NSG2: variants seen among roughly 807,000 people sequenced by gnomAD.
NSG2 encodes the protein neuronal vesicle trafficking associated 2, also known as neuronal vesicle trafficking-associated protein 2.
Under a neutral mutation model 16.9 loss-of-function variants are expected in NSG2, and 4 were observed. The observed-to-expected ratio is 0.24, with a 90% CI of 0.12 to 0.54. The LOEUF (loss-of-function observed/expected upper bound fraction) is 0.54. NSG2 is among the 20% of genes least tolerant of loss of function. The pLI, the probability that NSG2 is intolerant of heterozygous loss-of-function variation, is 0.95. For synonymous variants in NSG2, 98 were observed against 88.7 expected (o/e 1.11, Z -0.59); for missense variants, 179 against 221.1 (o/e 0.81, Z 1.21).
At chr5:174,052,567 G>A (rs766110754) in intron 2 of NSG2, among the ~76,000 whole-genome samples, 1 of 152,178 alleles carries the variant, frequency 6.6e-6, no homozygotes, top group African/African-American at 2.4e-5. Context: ...CCAGGCCATG[G>A]GAGCAAGCTC....
chr5:174,103,036 A>T (rs746579037), intron 3 of NSG2, among the ~76,000 whole-genome samples: 2 of 143,892 alleles, frequency 1.4e-5, no homozygotes, highest in Non-Finnish European at 1.5e-5. Context: ...TGATCTTCCT[A>T]CCTCGGCCTC....
At chr5:174,052,289 G>GGGCAGT in intron 2 of NSG2, among the ~76,000 whole-genome samples, 1 of 152,250 alleles carries the variant, frequency 6.6e-6, no homozygotes. Flanking sequence ...GAGGGTAGTG[G>GGGCAGT]GGCAGTGGCA....
At chr5:174,085,217 A>G (rs920578662) in intron 3 of NSG2, among the ~76,000 whole-genome samples, 1 of 152,240 alleles carries the variant, frequency 6.6e-6, no homozygotes, top group African/African-American at 2.4e-5. Flanking sequence ...TACATCCAGC[A>G]TCTTTGGAAG....
intron 3 of NSG2, among the ~76,000 whole-genome samples, chr5:174,091,644 GGTGTGTGTGT>G (rs35746227): frequency 2.4e-4 from 33 of 139,698 alleles, no homozygotes; most frequent in South Asian, 7.2e-4. Context: ...AACTAGGACT[GGTGTGTGTGT>G]GTGTGTGTGT....
chr5:174,073,204 GACA>G (rs1760272966), intron 3 of NSG2, among the ~76,000 whole-genome samples: 1 of 152,172 alleles, frequency 6.6e-6, no homozygotes, highest in Non-Finnish European at 1.5e-5. Flanking sequence ...TAAGAAGTTA[GACA>G]ACATTTCTAG....
chr5:174,101,723 T>C (rs936883842), intron 3 of NSG2, among the ~76,000 whole-genome samples: 6 of 152,308 alleles, frequency 3.9e-5, no homozygotes, highest in Non-Finnish European at 8.8e-5. Context: ...GTTTCTACCT[T>C]TTGGCTATTG....
chr5:174,078,371 T>C (rs949808737), intron 3 of NSG2, among the ~76,000 whole-genome samples: 2 of 152,182 alleles, frequency 1.3e-5, no homozygotes, highest in African/African-American at 4.8e-5. Flanking sequence ...CATTCTCTTG[T>C]ACCTTGCTTC....
In NSG2 at chr5:174,107,348, A is replaced by C; in HGVS notation, c.359A>C (p.Tyr120Ser). The change falls in exon 5 of 5, where the codon TAC becomes TCC. Residue 120 changes from tyrosine to serine, a missense_variant. Physicochemically the swap from Tyr to Ser is moderately radical, Grantham distance 144. Coordinates refer to ENST00000303177, the MANE Select transcript of NSG2 (RefSeq NM_015980.5). The surrounding 1 kb of genome is among the most constrained non-coding windows in gnomAD (Gnocchi z 4.5). ...TGTATCCCAGCCTCCCTGGATGCTT[A>C]CTACTCCTCCCAGGACCCCAATTCC... ...KRCIPASLDA[Y>S]YSSQDPNSRS... is the part of the protein sequence containing the mutation. 1 of 1,590,000 alleles carries C rather than the reference A, an allele frequency of 6.3e-7. No homozygotes were observed. The highest frequency in any genetic ancestry group is 8.6e-7 in the Non-Finnish European group (1 of 1,162,986).
chr5:174,066,761 T>A (rs558935287), intron 3 of NSG2, among the ~76,000 whole-genome samples: 2 of 152,116 alleles, frequency 1.3e-5, no homozygotes, highest in East Asian at 3.9e-4. Flanking sequence ...TTTGAAATGA[T>A]GGCTGTGTCA....
At chr5:174,056,070 T>C (rs1389092462) in intron 2 of NSG2, 1 of 152,168 alleles carries the variant, frequency 6.6e-6, no homozygotes, top group East Asian at 1.9e-4. Flanking sequence ...TCTTTAGAAA[T>C]AGGATTTATT....
At chr5:174,084,184 A>G (rs529365236) in intron 3 of NSG2, 1 of 152,340 alleles carries the variant, frequency 6.6e-6, no homozygotes, top group South Asian at 2.1e-4. Context: ...AACAGTAATT[A>G]TACTGATCAC....
intron 3 of NSG2, among the ~76,000 whole-genome samples, chr5:174,068,857 G>A (rs2113441158): frequency 6.8e-6 from 1 of 147,706 alleles, no homozygotes; most frequent in East Asian, 2.0e-4. Context: ...GAAGGTGCTG[G>A]TGCTGTGGAA....
At chr5:174,054,257 A>G (rs1759934103) in intron 2 of NSG2, among the ~76,000 whole-genome samples, 3 of 152,276 alleles carry the variant, frequency 2.0e-5, no homozygotes, top group African/African-American at 7.2e-5. Flanking sequence ...TTTTGGAAGG[A>G]CACACAGAAA....
intron 3 of NSG2, among the ~76,000 whole-genome samples, chr5:174,080,986 G>C (rs1448605829): frequency 6.8e-6 from 1 of 146,634 alleles, no homozygotes; most frequent in Non-Finnish European, 1.5e-5. Context: ...TATTTTACCT[G>C]TTTTTTTTTT....
intron 3 of NSG2, among the ~76,000 whole-genome samples, chr5:174,102,596 A>G (rs1003240990): frequency 6.6e-6 from 1 of 150,630 alleles, no homozygotes. Context: ...AAGTTAACCA[A>G]TTACTGGTTT....
At chr5:174,105,120 A>G (rs1760955929) in intron 4 of NSG2, among the ~76,000 whole-genome samples, 1 of 152,212 alleles carries the variant, frequency 6.6e-6, no homozygotes. Context: ...GAGCTGTACA[A>G]CCATTCTGAG....
At chr5:174,073,758 A>G (rs750545004) in intron 3 of NSG2, among the ~76,000 whole-genome samples, 2 of 152,226 alleles carry the variant, frequency 1.3e-5, no homozygotes, top group Non-Finnish European at 2.9e-5. Flanking sequence ...GGGTGATTCA[A>G]TGACCACCCC....
chr5:174,090,336 A>G (rs1172067650), intron 3 of NSG2, among the ~76,000 whole-genome samples: 2 of 152,210 alleles, frequency 1.3e-5, no homozygotes, highest in African/African-American at 4.8e-5. Flanking sequence ...TCATTCCCGC[A>G]GCAGTTTCAG....
At chr5:174,102,088 G>A (rs1561676434) in intron 3 of NSG2, among the ~76,000 whole-genome samples, 1 of 152,186 alleles carries the variant, frequency 6.6e-6, no homozygotes, top group Non-Finnish European at 1.5e-5. Context: ...AGCACATGGT[G>A]TCAACAGTAG....
Sources: gnomAD v4.1 joint callset for allele counts (sites outside exome capture counted in the v4.1 genomes callset) on GRCh38, gnomAD v4.1.1 for gene constraint, Gnocchi (gnomAD v3.1) non-coding constraint, MANE v1.5 for transcripts, NCBI Gene and HGNC (gene_info 2026-07-23, HGNC 2026-07-21) for gene names.